Variants in CLPTM1 observed in about 807,000 individuals in gnomAD.
The protein encoded by CLPTM1 is putative lipid scramblase CLPTM1.
Under a neutral mutation model 77.3 loss-of-function variants are expected in CLPTM1, and 21 were observed. That is an observed-to-expected ratio of 0.27 (90% confidence interval 0.19 to 0.39). The LOEUF (loss-of-function observed/expected upper bound fraction) is 0.39. CLPTM1 is among the 10% of genes least tolerant of loss of function. CLPTM1 has a pLI of 1.00. For missense variants in CLPTM1, 642 were observed against 921.2 expected (o/e 0.70, Z 3.92); for synonymous variants, 373 against 381.0 (o/e 0.98, Z 0.24).
intron 2 of CLPTM1, 59 bp from the exon 3 acceptor site, chr19:44,973,028 G>C: frequency 6.3e-7 from 1 of 1,589,652 alleles, no homozygotes; most frequent in Non-Finnish European, 8.6e-7. Flanking sequence ...GAAGTCAGGC[G>C]GGTCTATGGC....
chr19:44,979,355 C>T (rs1305581573), intron 5 of CLPTM1, among the ~76,000 whole-genome samples: 1 of 152,070 alleles, frequency 6.6e-6, no homozygotes, highest in Non-Finnish European at 1.5e-5. Flanking sequence ...CTTGCTGTAC[C>T]TGTTTGAGCG....
chr19:44,976,477 C>G (rs1269323422), intron 4 of CLPTM1, among the ~76,000 whole-genome samples: 3 of 152,194 alleles, frequency 2.0e-5, no homozygotes, highest in Non-Finnish European at 4.4e-5. Flanking sequence ...GCCTGGGCAA[C>G]ACAGGAAGAC....
At chr19:44,970,799 C>G (rs1970705404) in intron 2 of CLPTM1, among the ~76,000 whole-genome samples, 1 of 143,092 alleles carries the variant, frequency 7.0e-6, no homozygotes, top group Non-Finnish European at 1.5e-5. Flanking sequence ...TTTTTTTCCC[C>G]TAGACCTGCA....
At chr19:44,967,439 A>G (rs1407028762) in intron 2 of CLPTM1, among the ~76,000 whole-genome samples, 1 of 152,082 alleles carries the variant, frequency 6.6e-6, no homozygotes, top group African/African-American at 2.4e-5. Context: ...TAGGTGAATC[A>G]CCTGAGGTCG....
intron 2 of CLPTM1, among the ~76,000 whole-genome samples, chr19:44,969,683 G>A (rs370068071): frequency 1.4e-4 from 19 of 140,046 alleles, no homozygotes; most frequent in Middle Eastern, 3.7e-3. Flanking sequence ...TCTCTTTAAG[G>A]ACACTTTTTT....
intron 1 of CLPTM1, among the ~76,000 whole-genome samples, chr19:44,958,729 C>T (rs1970500624): frequency 6.6e-6 from 1 of 152,192 alleles, no homozygotes; most frequent in South Asian, 2.1e-4. Flanking sequence ...AGTCCATTGG[C>T]TCCTGGTCCA....
In CLPTM1 at chr19:44,977,984, C is replaced by A. The variant is rs74868623; in HGVS notation, c.586+524C>A. On this transcript the variant is annotated intron_variant, in intron 5 of 13. Transcript: ENST00000337392. ...GACACAAAAACTAGCTGGGCGTGTG[C>A]CTGTAGTCCCAGCTGCTCAGGAGGC... Among the ~76,000 whole-genome samples the A allele has an allele frequency of 2.0e-4, 31 of 152,160 alleles. No individual in the cohort carries two copies. The East Asian group carries it at 6.0e-3, about 29-fold the overall frequency.
At chr19:44,955,513 G>A in intron 1 of CLPTM1, 46 bp downstream of exon 1, 2 of 1,264,654 alleles carry the variant, frequency 1.6e-6, no homozygotes, top group South Asian at 3.3e-5. Flanking sequence ...CCCAGCCGGG[G>A]GGCCTCCCAC....
chr19:44,980,508 CAAAAAA>C (rs74516090), intron 5 of CLPTM1, among the ~76,000 whole-genome samples: 1 of 93,074 alleles, frequency 1.1e-5, no homozygotes. Context: ...GACTCCATCT[CAAAAAA>C]AAAAAAAAAA....
At chr19:44,963,664 G>T (rs1026096318) in intron 2 of CLPTM1, among the ~76,000 whole-genome samples, 43 of 151,632 alleles carry the variant, frequency 2.8e-4, no homozygotes, top group African/African-American at 9.9e-4. Flanking sequence ...CTGTTTCCCA[G>T]GCTGGAGTAC....
Position 44,955,426 on chromosome 19 carries a change from C to G in CLPTM1, c.31C>G (p.Arg11Gly). The change falls in exon 1 of 14, where the codon CGC becomes GGC. Residue 11 changes from arginine (R) to glycine (G), a missense_variant. Coordinates refer to ENST00000337392, the MANE Select transcript of CLPTM1 (RefSeq NM_001294.4). MAAAQEADGA[R>G]SAVVAAGGGS... ...GGCGGCGCAGGAGGCGGACGGGGCCCGCAGCGCCGTGGTGGCGGCCGGGGG... is the reference window on the plus strand; with the variant it reads ...GGCGGCGCAGGAGGCGGACGGGGCCGGCAGCGCCGTGGTGGCGGCCGGGGG... The G allele has an allele frequency of 7.5e-7, 1 of 1,331,432 alleles. No homozygotes were observed. The allele number at this position is 1,331,432 out of a possible 1,614,324, so 82.5% of individuals were successfully genotyped here. A position where few individuals can be genotyped will look rare whatever the true frequency, so the allele number is the denominator to read the frequency against.
upstream of CLPTM1, chr19:44,955,172 G>C: frequency 6.5e-7 from 1 of 1,535,466 alleles, no homozygotes; most frequent in Non-Finnish European, 8.7e-7. Flanking sequence ...AGCATACAGT[G>C]TTTTTATTAG....
intron 2 of CLPTM1, among the ~76,000 whole-genome samples, chr19:44,970,577 G>C (rs1970702042): frequency 6.9e-6 from 1 of 145,378 alleles, no homozygotes; most frequent in African/African-American, 2.7e-5. Context: ...GCTAATTTTT[G>C]TATTTTTTGT....
intron 2 of CLPTM1, among the ~76,000 whole-genome samples, chr19:44,966,748 C>T (rs927179490): frequency 1.3e-5 from 2 of 151,814 alleles, no homozygotes; most frequent in African/African-American, 2.4e-5. Flanking sequence ...GGAGCTGGCA[C>T]GCACACAGAC....
chr19:44,963,654 C>G (rs1458945751), intron 2 of CLPTM1, among the ~76,000 whole-genome samples: 1 of 151,400 alleles, frequency 6.6e-6, no homozygotes. Flanking sequence ...GAGTCTCGCT[C>G]TGTTTCCCAG....
In CLPTM1 at chr19:44,992,345, G is replaced by A; in HGVS notation, c.1668G>A (p.Leu556=). The A allele has an allele frequency of 6.2e-7, 1 of 1,614,148 alleles. No individual in the cohort carries two copies. Among genetic ancestry groups the A allele is most frequent in the Non-Finnish European group, 8.5e-7 (1 of 1,179,994 alleles). ...YKALNTFIDD[L]FAFVIKMPVM... ...CCCTCAACACATTCATCGACGACCT[G>A]TTCGCCTTTGTCATCAAGATGCCCG... Residue 556 remains leucine (L), a synonymous_variant, in exon 13 of 14, where the codon CTG becomes CTA. Transcript: ENST00000337392. This position sits in a 1 kb window ranked among gnomAD's most constrained non-coding sequence, Gnocchi z 7.7.
intron 2 of CLPTM1, 85 bp downstream of exon 2, chr19:44,962,160 G>C (rs2122240275): frequency 3.9e-6 from 3 of 773,894 alleles, no homozygotes; most frequent in Non-Finnish European, 6.2e-6. Context: ...ATCAGCTGAG[G>C]ATGGTGATCA....
intron 5 of CLPTM1, among the ~76,000 whole-genome samples, chr19:44,983,580 T>C (rs1970930640): frequency 8.8e-6 from 1 of 113,914 alleles, no homozygotes; most frequent in Non-Finnish European, 1.6e-5. Context: ...ATCACACCAC[T>C]GCACTGCAGC....
At chr19:44,989,103 C>T (rs1394810024) in intron 9 of CLPTM1, among the ~76,000 whole-genome samples, 2 of 152,226 alleles carry the variant, frequency 1.3e-5, no homozygotes. Context: ...AAGGTCAAGG[C>T]TGCCGTGAGC....
Sources: gnomAD v4.1 joint callset for allele counts (sites outside exome capture counted in the v4.1 genomes callset) on GRCh38, gnomAD v4.1.1 for gene constraint, Gnocchi (gnomAD v3.1) non-coding constraint, MANE v1.5 for transcripts, NCBI Gene and HGNC (gene_info 2026-07-23, HGNC 2026-07-21) for gene names.